LIN7A: variants seen among roughly 807,000 people sequenced by gnomAD.
LIN7A encodes lin-7 cell polarity scaffold A, also known as protein lin-7 homolog A.
A neutral mutation model predicts 29.8 loss-of-function variants in LIN7A; 25 were observed. The observed-to-expected ratio is 0.84, with a 90% CI of 0.61 to 1.17. The LOEUF (loss-of-function observed/expected upper bound fraction) is 1.17. Among genes scored for constraint, LIN7A ranks in the 50% most tolerant of loss-of-function variants. The pLI, the probability that LIN7A is intolerant of heterozygous loss-of-function variation, is 0.00. For missense variants in LIN7A, 239 were observed against 287.0 expected, an observed-to-expected ratio of 0.83 and a Z score of 1.21; for synonymous variants, 118 against 107.5, an observed-to-expected ratio of 1.10 and a Z score of -0.60.
At chr12:80,833,681 T>A (rs1285353107) in intron 4 of LIN7A, among the ~76,000 whole-genome samples, 1 of 152,216 alleles carries the variant, frequency 6.6e-6, no homozygotes, top group African/African-American at 2.4e-5. Flanking sequence ...GCTACAAACA[T>A]GTTGTTTCTT....
At chr12:80,802,353 A>G (rs911895448) in intron 5 of LIN7A, among the ~76,000 whole-genome samples, 2 of 152,150 alleles carry the variant, frequency 1.3e-5, no homozygotes, top group African/African-American at 4.8e-5. Flanking sequence ...TCTGTTATGT[A>G]TGTCTATTTA....
intron 1 of LIN7A, among the ~76,000 whole-genome samples, chr12:80,911,268 ATTTTTTTTTTT>A (rs768907424): frequency 1.9e-5 from 2 of 105,890 alleles, no homozygotes; most frequent in Admixed American, 1.0e-4. Flanking sequence ...AAGTTTGTCT[ATTTTTTTTTTT>A]TTTTTTTTTT....
chr12:80,892,139 T>G (rs1302210488), intron 1 of LIN7A, among the ~76,000 whole-genome samples: 1 of 152,156 alleles, frequency 6.6e-6, no homozygotes, highest in Non-Finnish European at 1.5e-5. Context: ...TACATCTCCC[T>G]CCTTTATCTC....
chr12:80,935,787 C>T (rs374241904), intron 1 of LIN7A: 21 of 509,654 alleles, frequency 4.1e-5, no homozygotes, highest in African/African-American at 2.3e-4. Context: ...ACTGCATGTA[C>T]GTAATTACAC....
At chr12:80,930,371 A>G (rs1285003566) in intron 1 of LIN7A, among the ~76,000 whole-genome samples, 4 of 152,188 alleles carry the variant, frequency 2.6e-5, no homozygotes, top group African/African-American at 4.8e-5. Flanking sequence ...AAAGATCTCA[A>G]TTGAATAAAC....
In LIN7A at chr12:80,886,484, G is replaced by T. The variant is rs1045244884; in HGVS notation, c.201+2767C>A. Reference sequence around the variant, plus strand: ...CAGTAAATGTAAATCAACACAATAAGAATAATAAAGAAATTCCAAACTTAG... The same window carrying T: ...CAGTAAATGTAAATCAACACAATAATAATAATAAAGAAATTCCAAACTTAG... On this transcript the variant is annotated intron_variant, in intron 2 of 5. Transcript: ENST00000552864. 1.9e-3 allele frequency among the ~76,000 whole-genome samples: 142 copies of T among 75,526 alleles called. 1 individual carries two copies. The highest frequency in any genetic ancestry group is 3.7e-3 in the Non-Finnish European group (69 of 18,492). The allele number at this position is 75,526 out of a possible 152,430, so 49.5% of individuals were successfully genotyped here.
chr12:80,892,750 T>C (rs1875690611), intron 1 of LIN7A, among the ~76,000 whole-genome samples: 1 of 152,152 alleles, frequency 6.6e-6, no homozygotes, highest in Non-Finnish European at 1.5e-5. Context: ...TCTGATGTGA[T>C]TGGCACAGAG....
chr12:80,822,723 G>C (rs1315829990), intron 4 of LIN7A, among the ~76,000 whole-genome samples: 1 of 152,184 alleles, frequency 6.6e-6, no homozygotes, highest in East Asian at 1.9e-4. Context: ...AAAGCCGAGG[G>C]GGCCTAAGGG....
chr12:80,885,398 G>A lies in LIN7A; in HGVS notation c.201+3853C>T, dbSNP rs185358352. ...CTCTCATTCAAAAACTTGTGTAAAT[G>A]TGCTCTTATCAGCCAGCACATCTCA... On this transcript the variant is annotated intron_variant, in intron 2 of 5. Transcript: ENST00000552864. Among the ~76,000 whole-genome samples the A allele has an allele frequency of 3.3e-3, 500 of 152,172 alleles. 2 individuals carry two copies. The highest frequency in any genetic ancestry group is 0.011 in the African/African-American group (470 of 41,526).
chr12:80,860,592 C>T (rs1873819398), intron 2 of LIN7A, among the ~76,000 whole-genome samples: 1 of 152,096 alleles, frequency 6.6e-6, no homozygotes, highest in Admixed American at 6.6e-5. Flanking sequence ...GTGAATGGAC[C>T]ACTTCAGCCT....
intron 5 of LIN7A, among the ~76,000 whole-genome samples, chr12:80,803,335 C>A (rs1469616089): frequency 6.6e-6 from 1 of 152,130 alleles, no homozygotes; most frequent in South Asian, 2.1e-4. Flanking sequence ...CAATTTCATT[C>A]TTCTGCTTTG....
At chr12:80,901,191 T>C (rs889384466) in intron 1 of LIN7A, among the ~76,000 whole-genome samples, 3 of 152,144 alleles carry the variant, frequency 2.0e-5, no homozygotes, top group Non-Finnish European at 2.9e-5. Flanking sequence ...CAATATGATA[T>C]AACTCAACAG....
At chr12:80,814,830 C>G (rs1305862321) in intron 4 of LIN7A, among the ~76,000 whole-genome samples, 1 of 152,148 alleles carries the variant, frequency 6.6e-6, no homozygotes, top group Non-Finnish European at 1.5e-5. Flanking sequence ...GACTCAGATT[C>G]TCTTTAAGGC....
chr12:80,862,416 G>A (rs1300198097), intron 2 of LIN7A, among the ~76,000 whole-genome samples: 1 of 152,154 alleles, frequency 6.6e-6, no homozygotes, highest in African/African-American at 2.4e-5. Context: ...CTGAACCACT[G>A]TTTCTAGAGA....
rs1414666049 is a variant in LIN7A at position 80,899,800 on chromosome 12, G to T, written c.83-10431C>A. On this transcript the variant is annotated intron_variant, in intron 1 of 5. Coordinates refer to ENST00000552864, the MANE Select transcript of LIN7A (RefSeq NM_004664.4). ...TTTTTTTTTTTTGAGATCGAGTCTC[G>T]CTCTGTTGCCCAGGCTGGAGTGCAG... is the stretch of plus-strand genomic sequence containing the variant. Among the ~76,000 whole-genome samples the T allele has an allele frequency of 6.6e-5, 8 of 121,138 alleles. No homozygotes were observed. In the Middle Eastern group the frequency reaches 0.028, roughly 421 times the overall value. 79.5% of individuals were successfully genotyped at this position (121,138 alleles called of 152,430 possible). A position where few individuals can be genotyped will look rare whatever the true frequency, so the allele number is the denominator to read the frequency against.
At chr12:80,865,074 G>A (rs1435356080) in intron 2 of LIN7A, among the ~76,000 whole-genome samples, 1 of 152,144 alleles carries the variant, frequency 6.6e-6, no homozygotes, top group African/African-American at 2.4e-5. Flanking sequence ...ATAATTGTCA[G>A]CATAGCTCAG....
chr12:80,815,123 C>CT (rs1241901473), intron 4 of LIN7A, among the ~76,000 whole-genome samples: 1 of 152,006 alleles, frequency 6.6e-6, no homozygotes, highest in African/African-American at 2.4e-5. Flanking sequence ...TTTTTGTGGC[C>CT]TTTTTTTCCC....
At chr12:80,819,191 C>T (rs1413541232) in intron 4 of LIN7A, among the ~76,000 whole-genome samples, 1 of 152,004 alleles carries the variant, frequency 6.6e-6, no homozygotes, top group East Asian at 1.9e-4. Context: ...TACTGTGCCT[C>T]ATTTATAAAT....
At chr12:80,834,203 A>G (rs916978296) in intron 4 of LIN7A, among the ~76,000 whole-genome samples, 1 of 152,164 alleles carries the variant, frequency 6.6e-6, no homozygotes, top group African/African-American at 2.4e-5. Context: ...CTATGTTGAA[A>G]TGGTAGTGCT....
Sources: gnomAD v4.1 joint callset for allele counts (sites outside exome capture counted in the v4.1 genomes callset) on GRCh38, gnomAD v4.1.1 for gene constraint, MANE v1.5 for transcripts, NCBI Gene and HGNC (gene_info 2026-07-23, HGNC 2026-07-21) for gene names.